SCN1A: variants seen among roughly 807,000 people sequenced by gnomAD.
SCN1A encodes the protein sodium voltage-gated channel alpha subunit 1, also known as sodium channel protein type 1 subunit alpha.
SCN1A carries 13 observed loss-of-function variants against 193.7 expected under a neutral mutation model. The ratio of observed to expected loss-of-function variants is 0.07; its 90% CI spans 0.04 to 0.11. SCN1A has a LOEUF of 0.11. SCN1A is among the 10% of genes least tolerant of loss of function. SCN1A has a pLI of 1.00. For synonymous variants in SCN1A, 781 were observed against 843.6 expected (o/e 0.93, Z 1.29); for missense variants, 1,432 against 2,451.1 (o/e 0.58, Z 8.78).
intron 2 of SCN1A, among the ~76,000 whole-genome samples, chr2:166,107,520 T>TA (rs1688828002): frequency 6.6e-6 from 1 of 152,210 alleles, no homozygotes; most frequent in Non-Finnish European, 1.5e-5. Flanking sequence ...CATTGTATGG[T>TA]AAATGTAATT....
Position 166,026,679 on chromosome 2 carries a change from C to CTTT in SCN1A, c.3429+9366_3429+9368dup, listed in dbSNP as rs35750460. Among the ~76,000 whole-genome samples, 513 of 97,578 alleles carry CTTT rather than the reference C, an allele frequency of 5.3e-3. 2 individuals carry two copies. The highest frequency in any genetic ancestry group is 7.7e-3 in the African/African-American group (169 of 22,054). 64.0% of individuals were successfully genotyped at this position (97,578 alleles called of 152,430 possible). ...ATGGAATATTTCTCTTTCTTTCTTTCTTTTTTTTTTTTTTTTTTTTTTGAG... is the reference window on the plus strand; with the variant it reads ...ATGGAATATTTCTCTTTCTTTCTTTCTTTTTTTTTTTTTTTTTTTTTTTTTGAG... On this transcript the variant is annotated intron_variant, in intron 19 of 28. Coordinates refer to ENST00000674923, the MANE Select transcript of SCN1A (RefSeq NM_001165963.4).
chr2:166,015,769 T>C (rs777309621), intron 19 of SCN1A, 42 bp from the exon 20 acceptor site: 3 of 1,610,510 alleles, frequency 1.9e-6, no homozygotes, highest in Non-Finnish European at 1.7e-6. Context: ...CCTTTAATTT[T>C]GGTAATAAGT....
chr2:166,043,883 A>C lies in SCN1A; in HGVS notation c.1829T>G (p.Val610Gly). ...DNESRRDSLF[V>G]PRRHGERRNS... ...GCGTCTCTCTCCGTGTCGTCGGGGC[A>C]CAAACAAGGAATCTCTACGGCTCTC... is the stretch of plus-strand genomic sequence containing the variant. The change falls in exon 14 of 29, where the codon GTG (valine) becomes GGG (glycine). Residue 610 changes from valine to glycine, a missense_variant. Val to Gly is a moderately radical substitution (Grantham distance 109). Coordinates refer to ENST00000674923, the MANE Select transcript of SCN1A (RefSeq NM_001165963.4). The C allele has an allele frequency of 6.2e-7, 1 of 1,614,160 alleles. No homozygotes were observed. Among genetic ancestry groups the C allele is most frequent in the Non-Finnish European group, 8.5e-7 (1 of 1,180,020 alleles).
rs1272400796 is a variant in SCN1A, at chr2:166,048,822, A to G, written c.1028+64T>C. 3.8e-6 allele frequency: 4 copies of G among 1,065,404 alleles called. No individual in the cohort carries two copies. The East Asian group carries it at 7.2e-5, about 19-fold the overall frequency. The allele number at this position is 1,065,404 out of a possible 1,614,324, so 66.0% of individuals were successfully genotyped here. A position where few individuals can be genotyped will look rare whatever the true frequency, so the allele number is the denominator to read the frequency against. ...ATCTTCAGTTTCTATAAAAAGAGAGAAAAGATACACATATGTATGTGTACA... is the reference window on the plus strand; with the variant it reads ...ATCTTCAGTTTCTATAAAAAGAGAGGAAAGATACACATATGTATGTGTACA... On this transcript the variant is annotated intron_variant, in intron 10 of 28. Transcript: ENST00000674923.
At chr2:166,041,067 T>C in intron 16 of SCN1A, 164 bp downstream of exon 16, 1 of 633,772 alleles carries the variant, frequency 1.6e-6, no homozygotes, top group South Asian at 1.8e-5. Flanking sequence ...GGGTGATTAT[T>C]TTTGGCAAAA....
intron 4 of SCN1A, among the ~76,000 whole-genome samples, chr2:166,059,834 A>G (rs147387108): frequency 4.3e-4 from 66 of 152,262 alleles, no homozygotes; most frequent in Non-Finnish European, 8.5e-4. Flanking sequence ...AATTCAAGTA[A>G]AGCAAACCCA....
intron 7 of SCN1A, among the ~76,000 whole-genome samples, chr2:166,053,631 C>G (rs552390965): frequency 1.4e-4 from 21 of 152,080 alleles, no homozygotes; most frequent in Admixed American, 4.6e-4. Flanking sequence ...TTCTTTTGAG[C>G]TGTGACCAGA....
intron 2 of SCN1A, among the ~76,000 whole-genome samples, chr2:166,094,508 A>C (rs961772769): frequency 2.6e-5 from 4 of 152,210 alleles, no homozygotes; most frequent in Non-Finnish European, 5.9e-5. Flanking sequence ...TAACATTCTG[A>C]ATGTTGCACT....
rs1219260552 is a variant in SCN1A, at chr2:166,073,538, G to A, written c.84C>T (p.Arg28=). ...GATTCTTTGCCTTTTCTTCTGCAAT[G>A]CGTCTTTCAATAGCCGCAAGAGATT... ...TRESLAAIER[R]IAEEKAKNPK... is the part of the protein sequence containing the mutation. The change falls in exon 4 of 29, where the codon CGC becomes CGT. Residue 28 remains arginine, a synonymous_variant. Transcript: ENST00000674923. 6.2e-7 allele frequency: 1 copy of A among 1,614,128 alleles called. No homozygotes were observed. The highest frequency in any genetic ancestry group is 8.5e-7 in the Non-Finnish European group (1 of 1,180,012).
chr2:166,141,077 T>C (rs1356095162), intron 1 of SCN1A, among the ~76,000 whole-genome samples: 1 of 152,166 alleles, frequency 6.6e-6, no homozygotes, highest in East Asian at 1.9e-4. Context: ...CACTTCCTTC[T>C]GCACCTTGAA....
chr2:166,105,623 A>T (rs569615229), intron 2 of SCN1A, among the ~76,000 whole-genome samples: 1 of 152,348 alleles, frequency 6.6e-6, no homozygotes, highest in Non-Finnish European at 1.5e-5. Flanking sequence ...CATTTGAATT[A>T]GAAATAGGAT....
At chr2:166,077,451 A>C (rs1215600404) in intron 3 of SCN1A, among the ~76,000 whole-genome samples, 1 of 151,956 alleles carries the variant, frequency 6.6e-6, no homozygotes, top group Non-Finnish European at 1.5e-5. Context: ...GCAAATAAGC[A>C]TATGAGAAGA....
intron 22 of SCN1A, among the ~76,000 whole-genome samples, chr2:166,011,591 T>C (rs999650878): frequency 3.3e-5 from 5 of 151,202 alleles, no homozygotes; most frequent in African/African-American, 1.2e-4. Flanking sequence ...ACTATTTAAA[T>C]CTACTCTTTA....
intron 9 of SCN1A, 43 bp from the exon 10 acceptor site, chr2:166,048,992 T>G (rs759591328): frequency 1.6e-6 from 2 of 1,216,596 alleles, no homozygotes; most frequent in East Asian, 4.7e-5. Flanking sequence ...TTTGCATTGT[T>G]AAAAACACTC....
chr2:166,119,692 C>T (rs1298188650), intron 2 of SCN1A, among the ~76,000 whole-genome samples: 1 of 152,060 alleles, frequency 6.6e-6, no homozygotes, highest in Non-Finnish European at 1.5e-5. Context: ...AAAGCTTTTC[C>T]ATTGTTACAA....
chr2:166,110,066 A>G (rs1234472629), intron 2 of SCN1A, among the ~76,000 whole-genome samples: 4 of 152,150 alleles, frequency 2.6e-5, no homozygotes, highest in Admixed American at 2.6e-4. Flanking sequence ...GCTTGAGGGG[A>G]CACATACCCC....
At chr2:166,047,853 A>C (rs1698040592) in intron 10 of SCN1A, 85 bp from the exon 11 acceptor site, 2 of 1,557,690 alleles carry the variant, frequency 1.3e-6, no homozygotes, top group Non-Finnish European at 1.8e-6. Context: ...CCTAGTCAGA[A>C]AGATTTGGTA....
intron 2 of SCN1A, among the ~76,000 whole-genome samples, chr2:166,093,703 T>C (rs1213401539): frequency 6.6e-6 from 1 of 152,180 alleles, no homozygotes; most frequent in Non-Finnish European, 1.5e-5. Context: ...CTTTATGTTT[T>C]GAATACAAGT....
At chr2:166,137,960 G>T (rs1347353062) in intron 1 of SCN1A, among the ~76,000 whole-genome samples, 1 of 152,146 alleles carries the variant, frequency 6.6e-6, no homozygotes, top group African/African-American at 2.4e-5. Flanking sequence ...TAACTTGTTG[G>T]GAACTGGAGC....
Sources: allele counts gnomAD v4.1 joint callset (sites outside exome capture counted in the v4.1 genomes callset), GRCh38; gene constraint gnomAD v4.1.1; transcripts MANE v1.5; gene names NCBI Gene and HGNC (gene_info 2026-07-23, HGNC 2026-07-21).